The following HS3ST2 variants were observed in gnomAD, a reference collection of about 807,000 sequenced individuals.
HS3ST2 encodes heparan sulfate-glucosamine 3-sulfotransferase 2.
In HS3ST2, 17 loss-of-function variants were observed where a neutral mutation model predicts 26.3. That is an observed-to-expected ratio of 0.65 (90% CI 0.44 to 0.97). The LOEUF (loss-of-function observed/expected upper bound fraction) is 0.97, where lower values mean the gene tolerates loss of function less well. Ranked by LOEUF, HS3ST2 falls within the 50% of genes least tolerant of loss-of-function variation. The pLI is 0.00. For synonymous variants in HS3ST2, 237 were observed against 219.2 expected (o/e 1.08, Z -0.72); for missense variants, 402 against 501.2 (o/e 0.80, Z 1.89).
Position 22,915,868 on chromosome 16 carries a change from C to A in HS3ST2, c.*306C>A. 3 of 367,656 alleles carry A rather than the reference C, an allele frequency of 8.2e-6. No homozygotes were observed. Among genetic ancestry groups the A allele is most frequent in the Non-Finnish European group, 1.5e-5 (3 of 203,816 alleles). The allele number at this position is 367,656 out of a possible 1,614,324, so 22.8% of individuals were successfully genotyped here. A position where few individuals can be genotyped will look rare whatever the true frequency, so the allele number is the denominator to read the frequency against. On this transcript the variant is annotated 3_prime_UTR_variant, in exon 2 of 2. Coordinates refer to ENST00000261374, the MANE Select transcript of HS3ST2 (RefSeq NM_006043.2). ...ATTGCTTTAAGAAGAGTGAATGTTC[C>A]AATGATGATAGATATTATAAGCGAT...
At chr16:22,908,215 A>G (rs1384093491) in intron 1 of HS3ST2, among the ~76,000 whole-genome samples, 1 of 152,156 alleles carries the variant, frequency 6.6e-6, no homozygotes, top group Non-Finnish European at 1.5e-5. Context: ...AGGAATTTGT[A>G]AAGGGGATGA....
rs138077943 is a variant in HS3ST2, at chr16:22,890,393, A to C, written c.486-24551A>C. Among the ~76,000 whole-genome samples the C allele has an allele frequency of 2.9e-3, 444 of 152,340 alleles. 11 individuals carry two copies. In the East Asian group the frequency reaches 0.033, roughly 11 times the overall value. On this transcript the variant is annotated intron_variant, in intron 1 of 1. Transcript: ENST00000261374. ...ATTTTACTTTTAGGGATATCTAATAAACCAGTTATTTATAAGCTTATCACA... is the reference window on the plus strand; with the variant it reads ...ATTTTACTTTTAGGGATATCTAATACACCAGTTATTTATAAGCTTATCACA...
intron 1 of HS3ST2, among the ~76,000 whole-genome samples, chr16:22,871,185 G>A (rs1304649221): frequency 2.0e-5 from 3 of 151,976 alleles, no homozygotes; most frequent in African/African-American, 4.8e-5. Context: ...GTGAAACCCC[G>A]TCTCTACTAA....
chr16:22,848,838 A>G (rs1411127786), intron 1 of HS3ST2, among the ~76,000 whole-genome samples: 1 of 152,066 alleles, frequency 6.6e-6, no homozygotes, highest in Non-Finnish European at 1.5e-5. Context: ...AGGAACCCTG[A>G]CACCGTACCA....
intron 1 of HS3ST2, among the ~76,000 whole-genome samples, chr16:22,902,017 A>G (rs1445929600): frequency 2.0e-5 from 3 of 152,202 alleles, no homozygotes; most frequent in Non-Finnish European, 4.4e-5. Flanking sequence ...AGATCCCCCA[A>G]GGTTATTTTC....
chr16:22,854,239 T>C (rs931713020), intron 1 of HS3ST2, among the ~76,000 whole-genome samples: 3 of 152,214 alleles, frequency 2.0e-5, no homozygotes, highest in Non-Finnish European at 2.9e-5. Flanking sequence ...AGGTAAAGTC[T>C]GAGGCCAGGC....
In HS3ST2 at chr16:22,894,084, G is replaced by C. The variant is rs569431081; in HGVS notation, c.486-20860G>C. 5.3e-5 allele frequency among the ~76,000 whole-genome samples: 8 copies of C among 152,314 alleles called. No individual in the cohort carries two copies. In the South Asian group the frequency reaches 1.7e-3, roughly 32 times the overall value. On this transcript the variant is annotated intron_variant, in intron 1 of 1. Transcript: ENST00000261374. The stretch of plus-strand genomic sequence containing the variant: ...GATCTGCTGTCCTTGGCCTCCCAGA[G>C]TGCTGGGGTTCCAGGCATGAGCTAC...
chr16:22,864,580 G>T (rs1901722282), intron 1 of HS3ST2, among the ~76,000 whole-genome samples: 2 of 152,074 alleles, frequency 1.3e-5, no homozygotes, highest in Non-Finnish European at 2.9e-5. Flanking sequence ...CCCTCCTGGG[G>T]GTGAAGGGGC....
intron 1 of HS3ST2, among the ~76,000 whole-genome samples, chr16:22,835,989 T>TA (rs565143377): frequency 0.011 from 1,690 of 148,056 alleles, 29 homozygotes; most frequent in African/African-American, 0.037. Context: ...CATTGATTCT[T>TA]AAAAAAAAAA....
intron 1 of HS3ST2, among the ~76,000 whole-genome samples, chr16:22,869,701 A>G (rs1010612738): frequency 2.0e-5 from 3 of 152,228 alleles, no homozygotes; most frequent in South Asian, 2.1e-4. Context: ...CGCCGCCATA[A>G]TTCAATCACC....
rs931596337 is a variant in HS3ST2 at position 22,814,199 on chromosome 16, C to T, written c.-412C>T. 7.0e-5 allele frequency: 12 copies of T among 171,974 alleles called. No individual in the cohort carries two copies. Among genetic ancestry groups the T allele is most frequent in the Non-Finnish European group, 1.5e-4 (12 of 82,004 alleles). The allele number at this position is 171,974 out of a possible 1,614,324, so 10.7% of individuals were successfully genotyped here. ...AGAGCCAGATCGCGGCCGGCGCCAG[C>T]GCCACCGTCCGGTCCACCCGCCAGC... On this transcript the variant is annotated 5_prime_UTR_variant, in exon 1 of 2. Coordinates refer to ENST00000261374, the MANE Select transcript of HS3ST2 (RefSeq NM_006043.2).
At chr16:22,880,505 C>CACCCAGATATATACATCTGTT (rs1901974524) in intron 1 of HS3ST2, among the ~76,000 whole-genome samples, 2 of 152,188 alleles carry the variant, frequency 1.3e-5, no homozygotes, top group South Asian at 4.1e-4. Flanking sequence ...TGTACTCTGT[C>CACCCAGATATATACATCTGTT]ACCCAGATAT....
At chr16:22,889,630 G>A (rs1183111466) in intron 1 of HS3ST2, among the ~76,000 whole-genome samples, 3 of 152,158 alleles carry the variant, frequency 2.0e-5, no homozygotes, top group African/African-American at 7.2e-5. Context: ...CAAGCATTTT[G>A]GATAAGGGAT....
chr16:22,824,246 G>T (rs1191709356), intron 1 of HS3ST2, among the ~76,000 whole-genome samples: 1 of 152,190 alleles, frequency 6.6e-6, no homozygotes, highest in Admixed American at 6.5e-5. Flanking sequence ...AACATGACGT[G>T]AAGCTTAAAA....
chr16:22,865,424 C>T (rs923060422), intron 1 of HS3ST2, among the ~76,000 whole-genome samples: 2 of 151,574 alleles, frequency 1.3e-5, no homozygotes, highest in African/African-American at 4.8e-5. Flanking sequence ...GGCATGGTGG[C>T]GCATGCCTGT....
chr16:22,829,264 T>C (rs1291584973), intron 1 of HS3ST2, among the ~76,000 whole-genome samples: 2 of 152,136 alleles, frequency 1.3e-5, no homozygotes, highest in Non-Finnish European at 2.9e-5. Flanking sequence ...TCAACATCCT[T>C]AGGGATTCTG....
intron 1 of HS3ST2, among the ~76,000 whole-genome samples, chr16:22,815,539 C>T (rs751530521): frequency 6.6e-6 from 1 of 152,174 alleles, no homozygotes; most frequent in Non-Finnish European, 1.5e-5. Flanking sequence ...CAGCAAGGCT[C>T]TGTTTGGGAA....
chr16:22,838,142 A>T (rs1008979231), intron 1 of HS3ST2, among the ~76,000 whole-genome samples: 2 of 152,080 alleles, frequency 1.3e-5, no homozygotes, highest in African/African-American at 4.8e-5. Context: ...AGACTTAAAG[A>T]TCCTTTGTTC....
intron 1 of HS3ST2, among the ~76,000 whole-genome samples, chr16:22,861,647 G>T (rs570587007): frequency 6.6e-6 from 1 of 152,258 alleles, no homozygotes; most frequent in East Asian, 1.9e-4. Context: ...TTAATCCAGA[G>T]CTGGGGAGGG....
Sources: gnomAD v4.1 joint callset for allele counts (sites outside exome capture counted in the v4.1 genomes callset) on GRCh38, gnomAD v4.1.1 for gene constraint, MANE v1.5 for transcripts, NCBI Gene and HGNC (gene_info 2026-07-23, HGNC 2026-07-21) for gene names.